The following NSD1 variants were observed in gnomAD, a reference collection of about 807,000 sequenced individuals.
The protein encoded by NSD1 is histone-lysine N-methyltransferase, H3 lysine-36 specific.
NSD1 carries 26 observed loss-of-function variants against 242.7 expected under a neutral mutation model. That is an observed-to-expected ratio of 0.11 (90% CI 0.08 to 0.15). The LOEUF (loss-of-function observed/expected upper bound fraction) is 0.15. Among genes scored for constraint, NSD1 ranks in the 10% least tolerant of loss-of-function variants. The pLI, the probability that NSD1 is intolerant of heterozygous loss-of-function variation, is 1.00. For synonymous variants in NSD1, 1,106 were observed against 1,178.1 expected (o/e 0.94, Z 1.25); for missense variants, 2,495 against 3,272.8 (o/e 0.76, Z 5.80).
intron 14 of NSD1, chr5:177,266,108 C>A: frequency 8.9e-7 from 1 of 1,124,836 alleles, no homozygotes; most frequent in Admixed American, 1.7e-5. Flanking sequence ...CAGTGTGGCC[C>A]GTTCTGGGAA....
intron 2 of NSD1, among the ~76,000 whole-genome samples, chr5:177,191,442 G>A (rs1004853043): frequency 1.3e-5 from 2 of 152,112 alleles, no homozygotes; most frequent in African/African-American, 4.8e-5. Context: ...GGTTTGAAAA[G>A]CATGTAGAAT....
At position 177,171,725 on chromosome 5, in the gene NSD1, T is replaced by C. The variant is rs1759726060; in HGVS notation, c.928-20159T>C. 2.6e-5 allele frequency among the ~76,000 whole-genome samples: 4 copies of C among 152,350 alleles called. No individual in the cohort carries two copies. The South Asian group carries it at 8.3e-4, about 32-fold the overall frequency. ...GTCATACAGTATTTGTCTATTTGTG[T>C]CTGGTGTATTTCACTTAGCATAATG... On this transcript the variant is annotated intron_variant, in intron 2 of 22. Transcript: ENST00000439151.
chr5:177,231,201 T>G (rs1426262288), intron 5 of NSD1, among the ~76,000 whole-genome samples: 1 of 152,180 alleles, frequency 6.6e-6, no homozygotes, highest in African/African-American at 2.4e-5. Flanking sequence ...TCCTCCCGCC[T>G]TAGCCTCCCA....
Position 177,209,704 on chromosome 5 carries a change from G to C in NSD1, c.1305G>C (p.Lys435Asn). Residue 435 changes from lysine to asparagine, a missense_variant, in exon 5 of 23, where the codon AAG (lysine) becomes AAC (asparagine). By Grantham distance (94) the Lys-to-Asn change is moderately conservative (BLOSUM62 0). This residue lies in a region of NSD1 where 515 missense variants were observed against 467.0 expected (regional missense o/e 1.10). Transcript: ENST00000439151. ...TTGCAGAACAGTATGATGTTCCCAA[G>C]GGGTCAAAGAACCGAAAATGTATTC... is the stretch of plus-strand genomic sequence containing the variant. ...VGLAEQYDVP[K>N]GSKNRKCIPG... 1 of 1,614,002 alleles carries C rather than the reference G, an allele frequency of 6.2e-7. No homozygotes were observed. The highest frequency in any genetic ancestry group is 8.5e-7 in the Non-Finnish European group (1 of 1,179,956).
chr5:177,265,421 AAC>A, intron 14 of NSD1: 1 of 604,790 alleles, frequency 1.7e-6, no homozygotes, highest in Non-Finnish European at 2.9e-6. Flanking sequence ...AGTTATGAAA[AAC>A]AGTCATGATG....
At chr5:177,245,022 C>G (rs1014712880) in intron 9 of NSD1, among the ~76,000 whole-genome samples, 1 of 152,162 alleles carries the variant, frequency 6.6e-6, no homozygotes, top group Non-Finnish European at 1.5e-5. Flanking sequence ...CCAGACCAGG[C>G]TCGGCACTTA....
At chr5:177,234,267 C>T (rs930618836) in intron 5 of NSD1, among the ~76,000 whole-genome samples, 5 of 152,126 alleles carry the variant, frequency 3.3e-5, no homozygotes, top group African/African-American at 9.7e-5. Flanking sequence ...GAGCTGACAT[C>T]GATCTGAATC....
In NSD1 at chr5:177,193,502, C is replaced by T. The variant is rs190028179; in HGVS notation, c.1063+1483C>T. ...ATGTTGGCCAGGCTGGTCTTGAACT[C>T]CTGACCTCAGGTGATCCTCCTTCCT... On this transcript the variant is annotated intron_variant, in intron 3 of 22. Coordinates refer to ENST00000439151, the MANE Select transcript of NSD1 (RefSeq NM_022455.5). Among the ~76,000 whole-genome samples, 61 of 152,072 alleles carry T rather than the reference C, an allele frequency of 4.0e-4. 2 individuals carry two copies. The East Asian group carries it at 6.2e-3, about 15-fold the overall frequency.
Position 177,292,042 on chromosome 5 carries a change from A to G in NSD1, c.6347A>G (p.Glu2116Gly). Reference sequence around the variant, plus strand: ...AGGACCCAGGGTGAAATCACAAAGGAGCGAGAAGATGAGTGTTTTAGTTGT... The same window carrying G: ...AGGACCCAGGGTGAAATCACAAAGGGGCGAGAAGATGAGTGTTTTAGTTGT... ...KRRTQGEITK[E>G]REDECFSCGD... The change falls in exon 22 of 23, where the codon GAG becomes GGG. Residue 2116 changes from glutamate (E) to glycine (G), a missense_variant. Around this residue, in one of 19 missense-constraint regions of NSD1, gnomAD observed 27 missense variants for 33.4 expected, o/e 0.81. Coordinates refer to ENST00000439151, the MANE Select transcript of NSD1 (RefSeq NM_022455.5). 1 of 1,614,186 alleles carries G rather than the reference A, an allele frequency of 6.2e-7. No homozygotes were observed. The highest frequency in any genetic ancestry group is 1.1e-5 in the South Asian group (1 of 91,082).
intron 2 of NSD1, among the ~76,000 whole-genome samples, chr5:177,190,589 C>G (rs891573966): frequency 6.6e-6 from 1 of 152,116 alleles, no homozygotes; most frequent in Non-Finnish European, 1.5e-5. Flanking sequence ...TGTGCCTGGC[C>G]CCTTAGAGCT....
At chr5:177,275,660 C>T (rs1421669934) in intron 17 of NSD1, among the ~76,000 whole-genome samples, 1 of 151,882 alleles carries the variant, frequency 6.6e-6, no homozygotes, top group Non-Finnish European at 1.5e-5. Flanking sequence ...GTCTCGATCT[C>T]CTGACCTCGT....
chr5:177,174,065 G>A (rs549663044), intron 2 of NSD1, among the ~76,000 whole-genome samples: 9 of 151,980 alleles, frequency 5.9e-5, no homozygotes, highest in Non-Finnish European at 1.2e-4. Context: ...CTCCTTGGTC[G>A]TCAGAAAAGA....
Position 177,300,061 on chromosome 5 carries a change from C to T in NSD1, c.*4602C>T, listed in dbSNP as rs1359018226. On this transcript the variant is annotated 3_prime_UTR_variant, in exon 23 of 23. Coordinates refer to ENST00000439151, the MANE Select transcript of NSD1 (RefSeq NM_022455.5). ...CCATCATTGCTTTTTTGCCGCGCCC[C>T]CCCCCCCCCGCCCCCATAGATTGTC... is the stretch of plus-strand genomic sequence containing the variant. 2.9e-5 allele frequency: 5 copies of T among 172,524 alleles called. No homozygotes were observed. The highest frequency in any genetic ancestry group is 6.7e-5 in the Admixed American group (1 of 14,878). The allele number at this position is 172,524 out of a possible 1,614,324, so 10.7% of individuals were successfully genotyped here.
Position 177,211,305 on chromosome 5 carries a change from G to T in NSD1, c.2906G>T (p.Gly969Val). 1 of 1,614,136 alleles carries T rather than the reference G, an allele frequency of 6.2e-7. No individual in the cohort carries two copies. The highest frequency in any genetic ancestry group is 8.5e-7 in the Non-Finnish European group (1 of 1,180,032). The change falls in exon 5 of 23, where the codon GGA becomes GTA. Residue 969 changes from glycine (G) to valine (V), a missense_variant. Gly to Val is a moderately radical substitution (Grantham distance 109). Around this residue, in one of 19 missense-constraint regions of NSD1, gnomAD observed 426 missense variants for 411.4 expected, o/e 1.04. Transcript: ENST00000439151. ...GGSTHNSEKK[G>V]DGTQNSANPS... ...TCCACACACAATTCAGAGAAAAAGG[G>T]AGATGGCACTCAGAACTCCGCCAAT... is the stretch of plus-strand genomic sequence containing the variant.
At chr5:177,186,097 TA>T (rs1761204600) in intron 2 of NSD1, among the ~76,000 whole-genome samples, 1 of 120,430 alleles carries the variant, frequency 8.3e-6, no homozygotes, top group Admixed American at 1.3e-4. Context: ...ATATATAACA[TA>T]TATTATATTA....
Position 177,257,232 on chromosome 5 carries a change from T to TTTC in NSD1, c.4966+83_4966+84insCTT, listed in dbSNP as rs1756552543. On this transcript the variant is annotated intron_variant, in intron 13 of 22. Transcript: ENST00000439151. Reference sequence around the variant, plus strand: ...CAGATATTTTCTTTTTTCTTTCTTTTTTTTTTTTTTTTTTTGGAGACAGAG... The same window carrying TTTC: ...CAGATATTTTCTTTTTTCTTTCTTTTTTCTTTTTTTTTTTTTTTGGAGACAGAG... 3.2e-6 allele frequency: 3 copies of TTTC among 927,942 alleles called. No individual in the cohort carries two copies. In the African/African-American group the frequency reaches 5.4e-5, roughly 17 times the overall value. The allele number at this position is 927,942 out of a possible 1,614,324, so 57.5% of individuals were successfully genotyped here. A position where few individuals can be genotyped will look rare whatever the true frequency, so the allele number is the denominator to read the frequency against.
intron 17 of NSD1, among the ~76,000 whole-genome samples, chr5:177,275,435 C>CT (rs749631943): frequency 0.38 from 19,011 of 50,100 alleles, 8,280 homozygotes; most frequent in South Asian, 0.47. Flanking sequence ...CTTCCCTTGT[C>CT]TTTTTTTTTT....
intron 2 of NSD1, among the ~76,000 whole-genome samples, chr5:177,153,320 C>T (rs1325379647): frequency 6.6e-6 from 1 of 151,308 alleles, no homozygotes; most frequent in Non-Finnish European, 1.5e-5. Flanking sequence ...AAGGATTTTA[C>T]CATTTTACAC....
chr5:177,265,785 C>T (rs1752161721), intron 14 of NSD1: 6 of 1,415,166 alleles, frequency 4.2e-6, no homozygotes, highest in South Asian at 1.1e-5. Context: ...GTGGAGAAGC[C>T]GGTCCCTCCG....
Sources: gnomAD v4.1 joint callset for allele counts (sites outside exome capture counted in the v4.1 genomes callset) on GRCh38, gnomAD v4.1.1 for gene constraint, gnomAD v4.1.1 regional missense constraint, MANE v1.5 for transcripts, NCBI Gene and HGNC (gene_info 2026-07-23, HGNC 2026-07-21) for gene names.